Variants in FER observed in about 807,000 individuals in gnomAD.
The protein encoded by FER is FER tyrosine kinase, also known as tyrosine-protein kinase Fer.
FER carries 63 observed loss-of-function variants against 111.0 expected under a neutral mutation model. That is an observed-to-expected ratio of 0.57 (90% CI 0.46 to 0.70). The LOEUF is 0.70. Ranked by LOEUF, FER falls within the 30% of genes least tolerant of loss-of-function variation. FER has a pLI of 0.00. For missense variants in FER, 914 were observed against 954.0 expected, an observed-to-expected ratio of 0.96 and a Z score of 0.55; for synonymous variants, 327 against 313.9, an observed-to-expected ratio of 1.04 and a Z score of -0.44.
intron 16 of FER, among the ~76,000 whole-genome samples, chr5:109,067,326 C>CT (rs11412931): frequency 0.24 from 36,754 of 151,684 alleles, 4,566 homozygotes; most frequent in Middle Eastern, 0.3. Flanking sequence ...CCAAAACCGT[C>CT]TTTCTGTCCA....
intron 10 of FER, among the ~76,000 whole-genome samples, chr5:108,900,047 T>A (rs1160869733): frequency 6.6e-6 from 1 of 152,216 alleles, no homozygotes; most frequent in East Asian, 1.9e-4. Context: ...TATTTTAAAT[T>A]GTTGAAATAC....
At chr5:108,782,276 G>A (rs1466043781) in intron 2 of FER, among the ~76,000 whole-genome samples, 1 of 147,380 alleles carries the variant, frequency 6.8e-6, no homozygotes, top group Non-Finnish European at 1.5e-5. Flanking sequence ...ATGGCCTAGT[G>A]ACTTCCAAGT....
chr5:109,131,171 G>A (rs1752317933), intron 17 of FER, among the ~76,000 whole-genome samples: 1 of 152,096 alleles, frequency 6.6e-6, no homozygotes, highest in Non-Finnish European at 1.5e-5. Context: ...AGTCTCACAA[G>A]TTCAAAATTG....
At chr5:108,806,565 G>T (rs1271404313) in intron 3 of FER, among the ~76,000 whole-genome samples, 2 of 152,224 alleles carry the variant, frequency 1.3e-5, no homozygotes, top group African/African-American at 2.4e-5. Context: ...AGCCACAGGG[G>T]CAGAGCTGCC....
At chr5:108,987,822 A>G (rs1467264818) in intron 13 of FER, among the ~76,000 whole-genome samples, 1 of 152,054 alleles carries the variant, frequency 6.6e-6, no homozygotes, top group African/African-American at 2.4e-5. Flanking sequence ...TAGGACTTCC[A>G]GTACTATGTT....
intron 2 of FER, among the ~76,000 whole-genome samples, chr5:108,771,708 A>G (rs1314376886): frequency 6.6e-6 from 1 of 152,244 alleles, no homozygotes; most frequent in African/African-American, 2.4e-5. Context: ...ACATTTTGCC[A>G]CATTTTCTTT....
intron 8 of FER, among the ~76,000 whole-genome samples, chr5:108,875,897 C>G (rs1765045830): frequency 6.6e-6 from 1 of 152,076 alleles, no homozygotes; most frequent in South Asian, 2.1e-4. Flanking sequence ...GTGTTATTGC[C>G]TATCAGTAGT....
intron 17 of FER, among the ~76,000 whole-genome samples, chr5:109,118,996 G>A (rs938173096): frequency 2.7e-4 from 40 of 147,710 alleles, no homozygotes; most frequent in African/African-American, 9.2e-4. Flanking sequence ...GGTTTTTTGT[G>A]TCTCTATCTC....
At chr5:109,158,806 A>G (rs1285652637) in intron 17 of FER, among the ~76,000 whole-genome samples, 2 of 152,176 alleles carry the variant, frequency 1.3e-5, no homozygotes, top group Non-Finnish European at 2.9e-5. Context: ...CCTTCTACTT[A>G]GAATGCTCTT....
intron 16 of FER, among the ~76,000 whole-genome samples, chr5:109,056,409 A>T (rs576448771): frequency 3.1e-4 from 47 of 152,194 alleles, no homozygotes; most frequent in Non-Finnish European, 5.1e-4. Flanking sequence ...GCAAGATCTG[A>T]CCATTTGTCA....
chr5:109,115,600 A>G (rs1750134289), intron 17 of FER, among the ~76,000 whole-genome samples: 1 of 152,146 alleles, frequency 6.6e-6, no homozygotes, highest in African/African-American at 2.4e-5. Flanking sequence ...ATTTTTAGAC[A>G]TCTCTGTAAG....
chr5:109,158,106 G>C (rs1755605389), intron 17 of FER, among the ~76,000 whole-genome samples: 1 of 152,110 alleles, frequency 6.6e-6, no homozygotes, highest in African/African-American at 2.4e-5. Flanking sequence ...GCTGGGCACG[G>C]TGGCTCATGC....
At chr5:109,005,370 T>C (rs1401021746) in intron 13 of FER, among the ~76,000 whole-genome samples, 4 of 129,540 alleles carry the variant, frequency 3.1e-5, no homozygotes, top group Non-Finnish European at 7.0e-5. Flanking sequence ...AACTATCCCG[T>C]GTGTGTGTGT....
intron 1 of FER, among the ~76,000 whole-genome samples, chr5:108,757,367 G>GTTTCTTTGTAAAAAAATTTCCTGA (rs1554057402): frequency 1.3e-5 from 2 of 152,040 alleles, no homozygotes; most frequent in African/African-American, 4.8e-5. Context: ...GTTATAACAT[G>GTTTCTTTGTAAAAAAATTTCCTGA]TTTCTTTGTA....
At chr5:108,898,566 CT>C (rs1398636000) in intron 10 of FER, among the ~76,000 whole-genome samples, 3 of 129,522 alleles carry the variant, frequency 2.3e-5, no homozygotes, top group Non-Finnish European at 5.0e-5. Context: ...CTTCCCTTCC[CT>C]TCCCTCCCTT....
intron 10 of FER, among the ~76,000 whole-genome samples, chr5:108,925,227 G>C (rs539084154): frequency 6.6e-6 from 1 of 151,660 alleles, no homozygotes; most frequent in African/African-American, 2.4e-5. Context: ...TTCTATTCTG[G>C]CTGGTGAGCT....
intron 3 of FER, among the ~76,000 whole-genome samples, chr5:108,831,895 CCA>C (rs941280287): frequency 1.8e-4 from 28 of 152,048 alleles, no homozygotes; most frequent in Admixed American, 5.2e-4. Flanking sequence ...TCTTTTGGAT[CCA>C]CTGTGTCATA....
chr5:108,839,861 G>A (rs1351708820), intron 5 of FER, among the ~76,000 whole-genome samples: 5 of 152,044 alleles, frequency 3.3e-5, no homozygotes, highest in Non-Finnish European at 7.4e-5. Context: ...ACAGGCGTGA[G>A]CCACCGCGTC....
chr5:108,970,163 A>T (rs1309579638), intron 13 of FER, among the ~76,000 whole-genome samples: 1 of 148,416 alleles, frequency 6.7e-6, no homozygotes, highest in Non-Finnish European at 1.5e-5. Flanking sequence ...ACACTGTTTT[A>T]TGCTTCCTAA....
Sources: allele counts gnomAD v4.1 joint callset (sites outside exome capture counted in the v4.1 genomes callset), GRCh38; gene constraint gnomAD v4.1.1; transcripts MANE v1.5; gene names NCBI Gene and HGNC (gene_info 2026-07-23, HGNC 2026-07-21).